Variants in TNR observed in about 807,000 individuals in gnomAD.
TNR encodes the protein tenascin R.
A neutral mutation model predicts 150.4 loss-of-function variants in TNR; 45 were observed. The observed-to-expected ratio is 0.30, with a 90% CI of 0.24 to 0.38. The LOEUF is 0.38. Among genes scored for constraint, TNR ranks in the 10% least tolerant of loss-of-function variants. TNR has a pLI of 1.00. For synonymous variants in TNR, 687 were observed against 678.4 expected, an observed-to-expected ratio of 1.01 and a Z score of -0.20; for missense variants, 1,544 against 1,759.1, an observed-to-expected ratio of 0.88 and a Z score of 2.19.
intron 2 of TNR, among the ~76,000 whole-genome samples, chr1:175,491,568 TTC>T (rs1201522353): frequency 1.3e-5 from 2 of 151,964 alleles, no homozygotes; most frequent in Non-Finnish European, 2.9e-5. Context: ...CATCTAGACT[TTC>T]TGAGTTAGAT....
In TNR at chr1:175,505,313, G is replaced by A. The variant is rs541045674; in HGVS notation, c.-64+22956C>T. On this transcript the variant is annotated intron_variant, in intron 2 of 22. Coordinates refer to ENST00000367674, the MANE Select transcript of TNR (RefSeq NM_003285.3). ...ACTGGGCTTATCTCGGGCTTCCCCC[G>A]GCGAGGCAGGAGCGGGACTGACGGG... is the stretch of plus-strand genomic sequence containing the variant. Among the ~76,000 whole-genome samples, 90 of 152,356 alleles carry A rather than the reference G, an allele frequency of 5.9e-4. 1 individual carries two copies. Among genetic ancestry groups the A allele is most frequent in the East Asian group, 5.8e-4 (3 of 5,188 alleles).
chr1:175,708,781 A>T (rs2101933475), intron 1 of TNR, among the ~76,000 whole-genome samples: 1 of 152,296 alleles, frequency 6.6e-6, no homozygotes, highest in African/African-American at 2.4e-5. Context: ...ATTTCAGACA[A>T]ATGGAGTCTG....
At chr1:175,593,010 G>A (rs1445349795) in intron 1 of TNR, among the ~76,000 whole-genome samples, 10 of 152,120 alleles carry the variant, frequency 6.6e-5, no homozygotes, top group Admixed American at 6.5e-4. Flanking sequence ...GTTGTCCTTG[G>A]TCATGGGAGG....
chr1:175,679,496 G>A (rs147925307), intron 1 of TNR, among the ~76,000 whole-genome samples: 15 of 152,346 alleles, frequency 9.8e-5, no homozygotes, highest in Admixed American at 2.6e-4. Flanking sequence ...AATTGGATAC[G>A]CAAAATGTCT....
chr1:175,344,206 G>A (rs1029391468), intron 18 of TNR, among the ~76,000 whole-genome samples: 6 of 152,228 alleles, frequency 3.9e-5, no homozygotes, highest in African/African-American at 9.6e-5. Flanking sequence ...GAATGCAGAC[G>A]AAGGGATGGC....
At chr1:175,362,554 G>T in intron 14 of TNR, 109 bp downstream of exon 14, 2 of 1,380,386 alleles carry the variant, frequency 1.4e-6, no homozygotes, top group South Asian at 1.4e-5. Context: ...AGTTGGAGGA[G>T]CACCCCGAAA....
intron 1 of TNR, among the ~76,000 whole-genome samples, chr1:175,685,939 C>A (rs183887564): frequency 2.6e-4 from 40 of 151,762 alleles, no homozygotes; most frequent in African/African-American, 9.2e-4. Context: ...AGAGAAGTGG[C>A]CTTAAACAAA....
chr1:175,690,419 A>G (rs1015586984), intron 1 of TNR, among the ~76,000 whole-genome samples: 1 of 152,236 alleles, frequency 6.6e-6, no homozygotes, highest in African/African-American at 2.4e-5. Context: ...AGATGGGGTG[A>G]CCAGGAAAGT....
chr1:175,569,943 G>T (rs1289341639), intron 1 of TNR, among the ~76,000 whole-genome samples: 1 of 152,098 alleles, frequency 6.6e-6, no homozygotes, highest in Non-Finnish European at 1.5e-5. Flanking sequence ...TACCCCTCAG[G>T]CTCAGCCATA....
chr1:175,608,828 G>C (rs867458157), intron 1 of TNR, among the ~76,000 whole-genome samples: 24 of 152,326 alleles, frequency 1.6e-4, no homozygotes, highest in African/African-American at 5.3e-4. Context: ...ATTTTAACCT[G>C]TGGGAGTATC....
chr1:175,595,618 G>C (rs1214377268), intron 1 of TNR, among the ~76,000 whole-genome samples: 8 of 152,184 alleles, frequency 5.3e-5, no homozygotes, highest in Admixed American at 3.3e-4. Context: ...TCAATGGTCT[G>C]TCCCATCTTT....
chr1:175,659,322 T>C (rs1417755492), intron 1 of TNR, among the ~76,000 whole-genome samples: 1 of 152,214 alleles, frequency 6.6e-6, no homozygotes, highest in African/African-American at 2.4e-5. Context: ...CAACCCATTA[T>C]GTATAAAAGC....
At chr1:175,604,399 G>T (rs1663348454) in intron 1 of TNR, among the ~76,000 whole-genome samples, 1 of 152,200 alleles carries the variant, frequency 6.6e-6, no homozygotes, top group Non-Finnish European at 1.5e-5. Context: ...AAGGCATGAA[G>T]TTCCAAGGAA....
rs1648934932 is a variant in TNR at position 175,319,454 on chromosome 1, A to T, written c.*3903T>A. 6.6e-6 allele frequency: 1 copy of T among 152,192 alleles called. No individual in the cohort carries two copies. The highest frequency in any genetic ancestry group is 2.4e-5 in the African/African-American group (1 of 41,424). The allele number at this position is 152,192 out of a possible 1,614,324, so 9.4% of individuals were successfully genotyped here. On this transcript the variant is annotated 3_prime_UTR_variant, in exon 23 of 23. Coordinates refer to ENST00000367674, the MANE Select transcript of TNR (RefSeq NM_003285.3). ...ACTGGATTTGAAAAGTAAAAATGTG[A>T]TTAGGATTGTTTGGTTTGGCATTGA...
At chr1:175,637,591 T>C (rs1405878411) in intron 1 of TNR, among the ~76,000 whole-genome samples, 3 of 152,198 alleles carry the variant, frequency 2.0e-5, no homozygotes, top group Non-Finnish European at 4.4e-5. Context: ...TGATTAATCA[T>C]GCCTGGGTGA....
chr1:175,579,609 G>A (rs150028759), intron 1 of TNR, among the ~76,000 whole-genome samples: 1 of 151,402 alleles, frequency 6.6e-6, no homozygotes, highest in East Asian at 1.9e-4. Flanking sequence ...CAGGAATTTG[G>A]ATGTTATCTA....
chr1:175,588,465 T>C (rs189304587), intron 1 of TNR, among the ~76,000 whole-genome samples: 3 of 152,348 alleles, frequency 2.0e-5, no homozygotes, highest in Non-Finnish European at 4.4e-5. Flanking sequence ...CAAAAGACCA[T>C]AGCATCATAG....
At chr1:175,394,045 C>G in intron 5 of TNR, 150 bp from the exon 6 acceptor site, 1 of 636,224 alleles carries the variant, frequency 1.6e-6, no homozygotes, top group Non-Finnish European at 2.8e-6. Context: ...CACAGTGAGT[C>G]CCAGGTGCAG....
At chr1:175,606,062 C>A (rs546086561) in intron 1 of TNR, among the ~76,000 whole-genome samples, 1 of 152,228 alleles carries the variant, frequency 6.6e-6, no homozygotes, top group Non-Finnish European at 1.5e-5. Context: ...CATTCTTAAA[C>A]GGACAATAAT....
Sources: allele counts gnomAD v4.1 joint callset (sites outside exome capture counted in the v4.1 genomes callset), GRCh38; gene constraint gnomAD v4.1.1; transcripts MANE v1.5; gene names NCBI Gene and HGNC (gene_info 2026-07-23, HGNC 2026-07-21).